The following CSNK2A2IP variants were observed in gnomAD, a reference collection of about 807,000 sequenced individuals.
CSNK2A2IP encodes the protein casein kinase 2 subunit alpha' interacting protein.
chr3:88,442,537 G>A, the CSNK2A2IP span, among the ~76,000 whole-genome samples: 2 of 151,978 alleles, frequency 1.3e-5, no homozygotes, highest in Non-Finnish European at 2.9e-5. Context: ...ATAATAATAA[G>A]AATAATAATT....
chr3:88,411,783 A>C, the CSNK2A2IP span, among the ~76,000 whole-genome samples: 1 of 151,488 alleles, frequency 6.6e-6, no homozygotes, highest in Non-Finnish European at 1.5e-5. Flanking sequence ...AATACATTAC[A>C]GATTTCAAAT....
chr3:88,404,548 C>A, the CSNK2A2IP span, among the ~76,000 whole-genome samples: 1 of 151,994 alleles, frequency 6.6e-6, no homozygotes, highest in Admixed American at 6.6e-5. Context: ...AGTCCTTCAA[C>A]CTTCCCTCTT....
the CSNK2A2IP span, among the ~76,000 whole-genome samples, chr3:88,417,298 A>G: frequency 4.6e-5 from 7 of 152,140 alleles, no homozygotes; most frequent in South Asian, 1.2e-3. Context: ...TAAAGATTTG[A>G]GCATGTGCTT....
At chr3:88,466,327 T>C in the CSNK2A2IP span, 23 of 1,231,624 alleles carry the variant, frequency 1.9e-5, no homozygotes, top group African/African-American at 1.6e-4. Context: ...CAATTCTCAG[T>C]CAATGTTTAT....
chr3:88,345,192 C>T, the CSNK2A2IP span, among the ~76,000 whole-genome samples: 1 of 151,992 alleles, frequency 6.6e-6, no homozygotes, highest in Non-Finnish European at 1.5e-5. Context: ...TGCATCCCCT[C>T]ATTAAGCCAT....
the CSNK2A2IP span, among the ~76,000 whole-genome samples, chr3:88,380,517 A>G: frequency 6.6e-6 from 1 of 151,770 alleles, no homozygotes; most frequent in Non-Finnish European, 1.5e-5. Flanking sequence ...ATTTATTAAG[A>G]TCACTAGATC....
the CSNK2A2IP span, among the ~76,000 whole-genome samples, chr3:88,454,224 A>G: frequency 1.3e-5 from 2 of 151,958 alleles, no homozygotes; most frequent in Non-Finnish European, 2.9e-5. Context: ...CCCATTCCAA[A>G]TCATCTTTGG....
chr3:88,396,487 G>A, the CSNK2A2IP span, among the ~76,000 whole-genome samples: 1 of 152,214 alleles, frequency 6.6e-6, no homozygotes, highest in South Asian at 2.1e-4. Context: ...GAAAATGCAA[G>A]GTGTTGAAGT....
the CSNK2A2IP span, among the ~76,000 whole-genome samples, chr3:88,447,292 A>G: frequency 0.011 from 1,734 of 152,280 alleles, 46 homozygotes; most frequent in African/African-American, 0.04. Context: ...GGAAGCAAAG[A>G]AATAAATGTT....
chr3:88,460,840 C>A, the CSNK2A2IP span, among the ~76,000 whole-genome samples: 1 of 152,152 alleles, frequency 6.6e-6, no homozygotes, highest in East Asian at 1.9e-4. Flanking sequence ...GTAGTCCCAG[C>A]AGTTTGGGAG....
the CSNK2A2IP span, among the ~76,000 whole-genome samples, chr3:88,365,541 G>A: frequency 1.3e-5 from 2 of 152,132 alleles, no homozygotes; most frequent in Non-Finnish European, 2.9e-5. Flanking sequence ...TCTAATAAAT[G>A]GATGGATTCG....
At chr3:88,436,719 A>G in the CSNK2A2IP span, among the ~76,000 whole-genome samples, 1 of 152,166 alleles carries the variant, frequency 6.6e-6, no homozygotes, top group African/African-American at 2.4e-5. Context: ...GAAGATCTTC[A>G]TATGATCCTG....
At chr3:88,392,296 G>C in the CSNK2A2IP span, among the ~76,000 whole-genome samples, 2 of 152,170 alleles carry the variant, frequency 1.3e-5, no homozygotes, top group Non-Finnish European at 2.9e-5. Context: ...GAATTCAGGA[G>C]AGAATTCAGG....
the CSNK2A2IP span, among the ~76,000 whole-genome samples, chr3:88,351,769 T>C: frequency 6.6e-6 from 1 of 152,158 alleles, no homozygotes; most frequent in African/African-American, 2.4e-5. Flanking sequence ...ATGTATTTAA[T>C]ACCACATATT....
the CSNK2A2IP span, among the ~76,000 whole-genome samples, chr3:88,421,002 AG>A: frequency 3.9e-5 from 6 of 152,158 alleles, no homozygotes; most frequent in African/African-American, 1.4e-4. Context: ...GAATATATGC[AG>A]GGGGAATTCA....
chr3:88,427,520 G>A, the CSNK2A2IP span, among the ~76,000 whole-genome samples: 3 of 152,140 alleles, frequency 2.0e-5, no homozygotes, highest in South Asian at 6.2e-4. Flanking sequence ...CCCATCACAG[G>A]CCTGGGGGCA....
At chr3:88,386,635 G>A in the CSNK2A2IP span, among the ~76,000 whole-genome samples, 3 of 152,304 alleles carry the variant, frequency 2.0e-5, no homozygotes, top group East Asian at 5.8e-4. Flanking sequence ...TACCAGAATT[G>A]AGGCAAATTG....
chr3:88,454,603 G>A, the CSNK2A2IP span, among the ~76,000 whole-genome samples: 2 of 151,558 alleles, frequency 1.3e-5, no homozygotes, highest in Admixed American at 6.6e-5. Flanking sequence ...TTTACTTTGA[G>A]GTATGAATCA....
At chr3:88,368,688 G>A in the CSNK2A2IP span, among the ~76,000 whole-genome samples, 1 of 152,002 alleles carries the variant, frequency 6.6e-6, no homozygotes. Context: ...AGGATTGTTT[G>A]ATCCCATGAT....
Sources: allele counts gnomAD v4.1 joint callset (sites outside exome capture counted in the v4.1 genomes callset), GRCh38; gene constraint gnomAD v4.1.1; transcripts MANE v1.5; gene names NCBI Gene and HGNC (gene_info 2026-07-23, HGNC 2026-07-21).